Variants in GNA12 observed in about 807,000 individuals in gnomAD.
The protein encoded by GNA12 is guanine nucleotide-binding protein subunit alpha-12.
Under a neutral mutation model 26.0 loss-of-function variants are expected in GNA12, and 9 were observed. The observed-to-expected ratio is 0.35, with a 90% CI of 0.21 to 0.60. GNA12 has a LOEUF of 0.60. Ranked by LOEUF, GNA12 falls within the 20% of genes least tolerant of loss-of-function variation. The pLI is 0.78. For synonymous variants in GNA12, 264 were observed against 219.6 expected, an observed-to-expected ratio of 1.20 and a Z score of -1.79; for missense variants, 405 against 525.8, an observed-to-expected ratio of 0.77 and a Z score of 2.25.
At chr7:2,815,028 GT>G in intron 1 of GNA12, 2 of 1,508,270 alleles carry the variant, frequency 1.3e-6, no homozygotes, top group Non-Finnish European at 8.9e-7. Flanking sequence ...ACCCAATCCA[GT>G]CCCCTGTCAA....
In GNA12 at chr7:2,841,215, G is replaced by A. The variant is rs1778980052; in HGVS notation, c.309+2638C>T. Reference sequence around the variant, plus strand: ...TGCCCAGGCTAAAGTGCAGTGGTGCGATCTCGGCTCACTGCAAGCTCCGCC... The same window carrying A: ...TGCCCAGGCTAAAGTGCAGTGGTGCAATCTCGGCTCACTGCAAGCTCCGCC... On this transcript the variant is annotated intron_variant, in intron 1 of 3. Transcript: ENST00000275364. Among the ~76,000 whole-genome samples the A allele has an allele frequency of 2.0e-5, 3 of 152,006 alleles. No individual in the cohort carries two copies. In the South Asian group the frequency reaches 6.2e-4, roughly 31 times the overall value.
intron 1 of GNA12, among the ~76,000 whole-genome samples, chr7:2,809,422 C>T (rs1361941517): frequency 6.6e-6 from 1 of 152,184 alleles, no homozygotes; most frequent in Non-Finnish European, 1.5e-5. Context: ...AACCAAACAT[C>T]ATTAGCGTTT....
At chr7:2,737,090 C>T (rs1183292009) in intron 2 of GNA12, among the ~76,000 whole-genome samples, 1 of 152,070 alleles carries the variant, frequency 6.6e-6, no homozygotes, top group Non-Finnish European at 1.5e-5. Flanking sequence ...GTGGGTCCCA[C>T]TGGGGAGTGA....
At position 2,844,220 on chromosome 7, in the gene GNA12, G is replaced by C. The variant is rs1469345711; in HGVS notation, c.-59C>G. The stretch of plus-strand genomic sequence containing the variant: ...CCCGGGGGCCATGGACGCTCCCGCC[G>C]GCGAGGGCGAGCCCGGGCCGAGGCA... On this transcript the variant is annotated 5_prime_UTR_variant, in exon 1 of 4. Transcript: ENST00000275364. 3.5e-6 allele frequency: 3 copies of C among 855,730 alleles called. No individual in the cohort carries two copies. Among genetic ancestry groups the C allele is most frequent in the Non-Finnish European group, 2.8e-6 (2 of 713,692 alleles). 53.0% of individuals were successfully genotyped at this position (855,730 alleles called of 1,614,324 possible). A position where few individuals can be genotyped will look rare whatever the true frequency, so the allele number is the denominator to read the frequency against.
intron 2 of GNA12, among the ~76,000 whole-genome samples, chr7:2,746,592 C>T (rs912809720): frequency 2.6e-5 from 4 of 152,104 alleles, no homozygotes; most frequent in Non-Finnish European, 5.9e-5. Context: ...GACACCCTAA[C>T]ATCACAACTA....
chr7:2,744,089 G>C (rs1442104057), intron 2 of GNA12, among the ~76,000 whole-genome samples: 1 of 152,222 alleles, frequency 6.6e-6, no homozygotes, highest in Admixed American at 6.5e-5. Flanking sequence ...TTCCCCCTCT[G>C]GGGGCAGGGC....
chr7:2,814,425 A>G (rs763984736), intron 1 of GNA12: 2 of 1,149,652 alleles, frequency 1.7e-6, no homozygotes, highest in Middle Eastern at 2.0e-4. Flanking sequence ...TATAATCTGA[A>G]TTAAAGACAA....
At chr7:2,807,879 C>T (rs1032020998) in intron 1 of GNA12, among the ~76,000 whole-genome samples, 14 of 152,202 alleles carry the variant, frequency 9.2e-5, no homozygotes, top group African/African-American at 7.2e-5. Flanking sequence ...GGCACACACA[C>T]GACCGAAGAG....
chr7:2,769,611 T>C lies in GNA12; in HGVS notation c.525+25317A>G, dbSNP rs186463728. Among the ~76,000 whole-genome samples, 205 of 152,204 alleles carry C rather than the reference T, an allele frequency of 1.3e-3. 2 individuals carry two copies. The highest frequency in any genetic ancestry group is 4.4e-3 in the African/African-American group (184 of 41,544). Reference sequence around the variant, plus strand: ...AGCCGGGCGTGGTGGCAGGCGCCTATAGTCCCAGCTACTCAGGAGGCTGAG... The same window carrying C: ...AGCCGGGCGTGGTGGCAGGCGCCTACAGTCCCAGCTACTCAGGAGGCTGAG... On this transcript the variant is annotated intron_variant, in intron 2 of 3. Coordinates refer to ENST00000275364, the MANE Select transcript of GNA12 (RefSeq NM_007353.3).
At chr7:2,768,216 A>G (rs780860427) in intron 2 of GNA12, among the ~76,000 whole-genome samples, 2 of 152,220 alleles carry the variant, frequency 1.3e-5, no homozygotes, top group Non-Finnish European at 2.9e-5. Flanking sequence ...AAACAAGTCC[A>G]AATTGAGTTA....
At chr7:2,780,064 A>G (rs746872741) in intron 2 of GNA12, among the ~76,000 whole-genome samples, 1,304 of 78,010 alleles carry the variant, frequency 0.017, 66 homozygotes, top group Non-Finnish European at 0.03. Flanking sequence ...ATATATATAT[A>G]TATATATATA....
chr7:2,771,020 G>A (rs977278088), intron 2 of GNA12, among the ~76,000 whole-genome samples: 10 of 152,222 alleles, frequency 6.6e-5, no homozygotes, highest in East Asian at 1.9e-4. Flanking sequence ...GCCAGGCGCC[G>A]TGGCTCACAC....
intron 2 of GNA12, among the ~76,000 whole-genome samples, chr7:2,792,531 CT>C (rs967842013): frequency 1.3e-5 from 2 of 152,224 alleles, no homozygotes; most frequent in African/African-American, 4.8e-5. Flanking sequence ...CTTCTGCTTC[CT>C]TCTTTGGAAA....
intron 2 of GNA12, among the ~76,000 whole-genome samples, chr7:2,749,592 C>G (rs1453775166): frequency 2.0e-5 from 3 of 151,944 alleles, no homozygotes; most frequent in Non-Finnish European, 4.4e-5. Context: ...AGCACACCAA[C>G]ATGGCACATG....
At chr7:2,755,439 T>C (rs191345142) in intron 2 of GNA12, among the ~76,000 whole-genome samples, 2 of 152,348 alleles carry the variant, frequency 1.3e-5, no homozygotes, top group East Asian at 1.9e-4. Flanking sequence ...TCGTGCTTCT[T>C]ATCAAACAAG....
rs563790992 is a variant in GNA12, at chr7:2,837,984, A to G, written c.309+5869T>C. Among the ~76,000 whole-genome samples, 15 of 152,276 alleles carry G rather than the reference A, an allele frequency of 9.9e-5. No homozygotes were observed. The South Asian group carries it at 2.9e-3, about 29-fold the overall frequency. On this transcript the variant is annotated intron_variant, in intron 1 of 3. Transcript: ENST00000275364. ...TTCAAAGTCTGTTAAGTGCTAAGACATTTATAGTGAAGTGGGGTGGGTAAA... is the reference window on the plus strand; with the variant it reads ...TTCAAAGTCTGTTAAGTGCTAAGACGTTTATAGTGAAGTGGGGTGGGTAAA...
intron 1 of GNA12, among the ~76,000 whole-genome samples, chr7:2,826,895 G>A (rs73051444): frequency 0.12 from 17,530 of 152,128 alleles, 1,094 homozygotes; most frequent in Middle Eastern, 0.21. Flanking sequence ...ACAGAACTAT[G>A]CAACACAACG....
At chr7:2,779,925 A>C (rs1331080211) in intron 2 of GNA12, among the ~76,000 whole-genome samples, 3 of 151,820 alleles carry the variant, frequency 2.0e-5, no homozygotes, top group Non-Finnish European at 4.4e-5. Flanking sequence ...CCACAGTTAA[A>C]AATAAAAATA....
At chr7:2,814,989 C>T in intron 1 of GNA12, 1 of 1,548,626 alleles carries the variant, frequency 6.5e-7, no homozygotes, top group Non-Finnish European at 8.7e-7. Flanking sequence ...AAGGACGTCA[C>T]TGTATCCAGG....
Sources: gnomAD v4.1 joint callset for allele counts (sites outside exome capture counted in the v4.1 genomes callset) on GRCh38, gnomAD v4.1.1 for gene constraint, MANE v1.5 for transcripts, NCBI Gene and HGNC (gene_info 2026-07-23, HGNC 2026-07-21) for gene names.